COL27A1: variants seen among roughly 807,000 people sequenced by gnomAD.
The protein encoded by COL27A1 is collagen type XXVII alpha 1 chain.
In COL27A1, 106 loss-of-function variants were observed where a neutral mutation model predicts 251.3. That is an observed-to-expected ratio of 0.42 (90% CI 0.36 to 0.50). COL27A1 has a LOEUF of 0.50. COL27A1 is among the 20% of genes least tolerant of loss of function. COL27A1 has a pLI of 0.00. For missense variants in COL27A1, 2,325 were observed against 2,522.8 expected (o/e 0.92, Z 1.68); for synonymous variants, 1,000 against 986.3 (o/e 1.01, Z -0.26).
chr9:114,302,587 G>A (rs1248520000), intron 56 of COL27A1, among the ~76,000 whole-genome samples: 1 of 152,060 alleles, frequency 6.6e-6, no homozygotes. Flanking sequence ...GTAGTTGGGT[G>A]TGGTGGGTGG....
intron 12 of COL27A1, among the ~76,000 whole-genome samples, chr9:114,215,349 T>G (rs1288645829): frequency 1.3e-5 from 2 of 152,118 alleles, no homozygotes; most frequent in African/African-American, 2.4e-5. Context: ...CAAAGCAGAT[T>G]AAGGTTCTCA....
At chr9:114,227,723 G>A (rs1372254026) in intron 14 of COL27A1, among the ~76,000 whole-genome samples, 1 of 152,078 alleles carries the variant, frequency 6.6e-6, no homozygotes, top group Non-Finnish European at 1.5e-5. Flanking sequence ...GTGAGACGAA[G>A]GGCACAGCGT....
In COL27A1 at chr9:114,235,632, C is replaced by G. The variant is rs767106999; in HGVS notation, c.2599C>G (p.Pro867Ala). The G allele has an allele frequency of 6.2e-7, 1 of 1,613,760 alleles. No homozygotes were observed. The highest frequency in any genetic ancestry group is 8.5e-7 in the Non-Finnish European group (1 of 1,179,694). ...EQGVPGVSGD[P>A]GFQGDKGSQG... is the part of the protein sequence containing the mutation. The stretch of plus-strand genomic sequence containing the variant: ...AGGGGTTCCAGGTGTGTCAGGAGAT[C>G]CCGGATTCCAAGGAGACAAGGTAAT... The change falls in exon 17 of 61, where the codon CCC becomes GCC. Residue 867 changes from proline to alanine, a missense_variant. Physicochemically the swap from Pro to Ala is conservative, Grantham distance 27 (BLOSUM62 -1). This residue lies in a region of COL27A1 where 662 missense variants were observed against 795.3 expected (regional missense o/e 0.83). Transcript: ENST00000356083.
At chr9:114,179,391 G>T (rs1040945792) in intron 4 of COL27A1, among the ~76,000 whole-genome samples, 23 of 152,190 alleles carry the variant, frequency 1.5e-4, no homozygotes, top group African/African-American at 5.5e-4. Flanking sequence ...GGACCTTGCA[G>T]CCTGGGACCA....
chr9:114,212,700 C>T (rs60859047), intron 12 of COL27A1, among the ~76,000 whole-genome samples: 11,685 of 152,288 alleles, frequency 0.077, 499 homozygotes, highest in African/African-American at 0.1. Flanking sequence ...TTTTCTGAAC[C>T]ACAGTTTTCT....
At chr9:114,249,207 C>T (rs547165963) in intron 24 of COL27A1, among the ~76,000 whole-genome samples, 9 of 152,192 alleles carry the variant, frequency 5.9e-5, no homozygotes, top group South Asian at 2.1e-4. Flanking sequence ...ACGTTGAAGC[C>T]GTTGTTATAA....
chr9:114,209,843 T>G, intron 11 of COL27A1, 115 bp downstream of exon 11: 4 of 951,702 alleles, frequency 4.2e-6, no homozygotes, highest in Non-Finnish European at 6.7e-6. Context: ...GGAGGTGCAC[T>G]TGAGTCGAGT....
At chr9:114,161,077 G>A (rs916029139) in intron 1 of COL27A1, among the ~76,000 whole-genome samples, 2 of 152,136 alleles carry the variant, frequency 1.3e-5, no homozygotes, top group Non-Finnish European at 2.9e-5. Context: ...TACTAGGGTT[G>A]GTGAATTCAG....
At chr9:114,158,690 G>C (rs1166608058) in intron 1 of COL27A1, among the ~76,000 whole-genome samples, 1 of 152,210 alleles carries the variant, frequency 6.6e-6, no homozygotes, top group Non-Finnish European at 1.5e-5. Context: ...GGATTGGAAC[G>C]GGAGCAAAAG....
At chr9:114,253,214 C>T (rs968130777) in intron 27 of COL27A1, among the ~76,000 whole-genome samples, 2 of 150,422 alleles carry the variant, frequency 1.3e-5, no homozygotes, top group African/African-American at 2.5e-5. Context: ...GAGCCAAGAT[C>T]GTGCCACTGC....
At chr9:114,249,319 A>G (rs922689492) in intron 24 of COL27A1, among the ~76,000 whole-genome samples, 2 of 152,230 alleles carry the variant, frequency 1.3e-5, no homozygotes, top group African/African-American at 4.8e-5. Context: ...CTGTGACCTT[A>G]TACCTAGTGC....
At chr9:114,197,666 C>T (rs371738027) in intron 7 of COL27A1, among the ~76,000 whole-genome samples, 2 of 152,162 alleles carry the variant, frequency 1.3e-5, no homozygotes, top group Admixed American at 6.5e-5. Context: ...AGCAGATGTC[C>T]GGGGAGGCCA....
chr9:114,201,368 G>T (rs1829563544), intron 7 of COL27A1, among the ~76,000 whole-genome samples: 2 of 152,208 alleles, frequency 1.3e-5, no homozygotes, highest in Non-Finnish European at 2.9e-5. Flanking sequence ...CAGGTCTGGG[G>T]CCCTGTCATT....
Position 114,290,279 on chromosome 9 carries a change from G to C in COL27A1, c.4316G>C (p.Gly1439Ala). ...RGVVGRQGLE[G>A]IAGPDGLPGR... is the part of the protein sequence containing the mutation. ...GTGGTGGGGAGACAGGGCCTCGAGG[G>C]CATCGCTGGACCAGATGGGCTTCCT... The change falls in exon 47 of 61, where the codon GGC (glycine) becomes GCC (alanine). Residue 1439 changes from glycine (G) to alanine (A), a missense_variant. By Grantham distance (60) the Gly-to-Ala change is moderately conservative. Around this residue, in one of 4 missense-constraint regions of COL27A1, gnomAD observed 153 missense variants for 140.7 expected, o/e 1.09. Coordinates refer to ENST00000356083, the MANE Select transcript of COL27A1 (RefSeq NM_032888.4). The surrounding 1 kb of genome is among the most constrained non-coding windows in gnomAD (Gnocchi z 4.6). 1 of 1,581,584 alleles carries C rather than the reference G, an allele frequency of 6.3e-7. No individual in the cohort carries two copies. Among genetic ancestry groups the C allele is most frequent in the Non-Finnish European group, 8.6e-7 (1 of 1,163,910 alleles).
intron 3 of COL27A1, among the ~76,000 whole-genome samples, chr9:114,175,312 C>T (rs934130948): frequency 5.3e-5 from 8 of 152,252 alleles, no homozygotes; most frequent in South Asian, 2.1e-4. Flanking sequence ...AATCCCACCC[C>T]GGCCTCGTGA....
chr9:114,291,974 G>GC (rs1339922848), intron 48 of COL27A1, 129 bp from the exon 49 acceptor site: 3 of 796,356 alleles, frequency 3.8e-6, no homozygotes, highest in Non-Finnish European at 6.3e-6. Context: ...TCCATTTGTT[G>GC]CCCCAGCATT....
intron 2 of COL27A1, 121 bp downstream of exon 2, chr9:114,162,906 T>C (rs1848598680): frequency 1.5e-6 from 1 of 679,354 alleles, no homozygotes; most frequent in African/African-American, 1.8e-5. Context: ...TTCCCATCAG[T>C]AGAATGGAGA....
rs1828608309 is a variant in COL27A1 at position 114,301,304 on chromosome 9, C to T, written c.4776C>T (p.Gly1592=). The T allele has an allele frequency of 1.2e-6, 2 of 1,612,706 alleles. No individual in the cohort carries two copies. The highest frequency in any genetic ancestry group is 1.7e-5 in the Admixed American group (1 of 59,794). The stretch of plus-strand genomic sequence containing the variant: ...TGCAGGGTCCGAAGGGTGACAAAGG[C>T]AGCCGTGGGGACTGGGTAAGTGGAT... ...SGLPGPKGDK[G]SRGDWGLQGP... Residue 1592 remains glycine (G), a synonymous_variant, in exon 53 of 61, where the codon GGC becomes GGT. Coordinates refer to ENST00000356083, the MANE Select transcript of COL27A1 (RefSeq NM_032888.4).
chr9:114,220,654 C>T (rs1440835860), intron 13 of COL27A1, among the ~76,000 whole-genome samples: 1 of 152,162 alleles, frequency 6.6e-6, no homozygotes, highest in Non-Finnish European at 1.5e-5. Flanking sequence ...AATCCATTCA[C>T]CTCCCTGAAT....
Sources: allele counts gnomAD v4.1 joint callset (sites outside exome capture counted in the v4.1 genomes callset), GRCh38; gene constraint gnomAD v4.1.1; regional missense constraint gnomAD v4.1.1; non-coding constraint Gnocchi (gnomAD v3.1); transcripts MANE v1.5; gene names NCBI Gene and HGNC (gene_info 2026-07-23, HGNC 2026-07-21).